Variants in PPP1R1C observed in about 807,000 individuals in gnomAD.
PPP1R1C encodes the protein protein phosphatase 1 regulatory subunit 1C.
PPP1R1C carries 15 observed loss-of-function variants against 17.4 expected under a neutral mutation model. The ratio of observed to expected loss-of-function variants is 0.86; its 90% CI spans 0.58 to 1.33. PPP1R1C has a LOEUF of 1.33. Among genes scored for constraint, PPP1R1C ranks in the 40% most tolerant of loss-of-function variants. The pLI is 0.00. For synonymous variants in PPP1R1C, 35 were observed against 43.1 expected (o/e 0.81, Z 0.73); for missense variants, 143 against 130.0 (o/e 1.10, Z -0.48).
At chr2:182,062,835 AG>A (rs955243278) in intron 3 of PPP1R1C, among the ~76,000 whole-genome samples, 2 of 152,108 alleles carry the variant, frequency 1.3e-5, no homozygotes, top group African/African-American at 4.8e-5. Flanking sequence ...ATCTTCAAAA[AG>A]TATGTTGTAA....
At chr2:181,980,934 T>TG (rs1342556221), upstream of PPP1R1C, among the ~76,000 whole-genome samples, 29 of 150,914 alleles carry the variant, frequency 1.9e-4, no homozygotes, top group African/African-American at 6.6e-4. Flanking sequence ...GAAGTTTTTT[T>TG]TTTTTTTTTT....
At chr2:182,096,061 A>G (rs1688925480) in intron 4 of PPP1R1C, among the ~76,000 whole-genome samples, 2 of 152,284 alleles carry the variant, frequency 1.3e-5, no homozygotes, top group South Asian at 2.1e-4. Context: ...ACAAAAGCAT[A>G]ATACATTTAT....
At position 182,117,692 on chromosome 2, in the gene PPP1R1C, AGTGTGTGT is replaced by A. The variant is rs3063151; in HGVS notation, c.*411_*418del. ...TAAATAGTAAACACATTTAGACATG[AGTGTGTGT>A]GTGTGTGTGTGTGGGTTTAGCTTAA... On this transcript the variant is annotated 3_prime_UTR_variant, in exon 5 of 5. Coordinates refer to ENST00000682840, the MANE Select transcript of PPP1R1C (RefSeq NM_001080545.3). 5.2e-5 allele frequency: 8 copies of A among 153,378 alleles called. No individual in the cohort carries two copies. The highest frequency in any genetic ancestry group is 1.9e-4 in the East Asian group (1 of 5,226). The allele number at this position is 153,378 out of a possible 1,614,324, so 9.5% of individuals were successfully genotyped here.
chr2:182,088,696 G>A (rs919318749), intron 4 of PPP1R1C, among the ~76,000 whole-genome samples: 4 of 152,186 alleles, frequency 2.6e-5, no homozygotes, highest in African/African-American at 9.6e-5. Flanking sequence ...AAGTTGCATC[G>A]GTATTCCAAC....
intron 2 of PPP1R1C, among the ~76,000 whole-genome samples, chr2:182,006,681 G>A (rs1168724243): frequency 2.6e-5 from 4 of 152,204 alleles, no homozygotes; most frequent in Admixed American, 6.5e-5. Context: ...GTGCTGAAAC[G>A]TGTGTGAAGC....
intron 2 of PPP1R1C, among the ~76,000 whole-genome samples, chr2:182,033,670 G>A (rs770977467): frequency 1.5e-4 from 23 of 151,994 alleles, no homozygotes; most frequent in African/African-American, 3.6e-4. Context: ...CAACTTTGCC[G>A]TTACCCTTCT....
At chr2:182,061,032 A>G (rs1260481506) in intron 2 of PPP1R1C, among the ~76,000 whole-genome samples, 1 of 152,072 alleles carries the variant, frequency 6.6e-6, no homozygotes, top group Non-Finnish European at 1.5e-5. Context: ...ACTGAGTGGG[A>G]AAGGAGATTT....
chr2:181,979,710 A>G (rs1430953708), intron 2 of PPP1R1C, among the ~76,000 whole-genome samples: 6 of 152,244 alleles, frequency 3.9e-5, no homozygotes, highest in Admixed American at 2.6e-4. Context: ...AGTGAAGATA[A>G]CTGGGTGTAA....
At chr2:182,046,934 C>T (rs1687364926) in intron 2 of PPP1R1C, among the ~76,000 whole-genome samples, 1 of 152,020 alleles carries the variant, frequency 6.6e-6, no homozygotes, top group African/African-American at 2.4e-5. Context: ...TTTAGTAAGT[C>T]ACTGTCAATG....
intron 5 of PPP1R1C, among the ~76,000 whole-genome samples, chr2:182,126,873 T>A (rs191740080): frequency 6.6e-6 from 1 of 152,170 alleles, no homozygotes. Context: ...GGAGGGAATT[T>A]GTAACTTGGA....
intron 1 of PPP1R1C, among the ~76,000 whole-genome samples, chr2:181,960,992 T>C (rs1684769886): frequency 1.3e-5 from 2 of 152,170 alleles, no homozygotes; most frequent in African/African-American, 4.8e-5. Context: ...ACCAGAAATT[T>C]TGAGTGATTC....
intron 1 of PPP1R1C, among the ~76,000 whole-genome samples, chr2:181,968,553 C>T (rs1464263523): frequency 6.6e-6 from 1 of 152,062 alleles, no homozygotes; most frequent in Non-Finnish European, 1.5e-5. Flanking sequence ...AATGTCTTTT[C>T]CCATCCCTTT....
chr2:181,978,497 A>G (rs1320079755), intron 2 of PPP1R1C, among the ~76,000 whole-genome samples: 1 of 152,210 alleles, frequency 6.6e-6, no homozygotes, highest in Admixed American at 6.5e-5. Flanking sequence ...CGCATGGCTG[A>G]CACCTGGGCA....
At chr2:181,964,417 A>G (rs1040870453) in intron 1 of PPP1R1C, among the ~76,000 whole-genome samples, 10 of 152,218 alleles carry the variant, frequency 6.6e-5, no homozygotes, top group African/African-American at 2.4e-4. Flanking sequence ...GAATAGTGCT[A>G]CAATAAACAT....
At chr2:182,040,249 C>T (rs1020261763) in intron 2 of PPP1R1C, among the ~76,000 whole-genome samples, 12 of 152,156 alleles carry the variant, frequency 7.9e-5, no homozygotes, top group African/African-American at 2.9e-4. Flanking sequence ...TTAAAGGTTG[C>T]ACTAGTTTAC....
chr2:181,958,153 G>A (rs1278917077), intron 1 of PPP1R1C, among the ~76,000 whole-genome samples: 4 of 152,162 alleles, frequency 2.6e-5, no homozygotes, highest in African/African-American at 9.7e-5. Flanking sequence ...CAGCAGGGGG[G>A]CTTAATGGAA....
chr2:182,123,300 C>T (rs1253923747), intron 5 of PPP1R1C, among the ~76,000 whole-genome samples: 1 of 152,116 alleles, frequency 6.6e-6, no homozygotes, highest in African/African-American at 2.4e-5. Flanking sequence ...GTGAATAGTG[C>T]CACAATAAAC....
rs1331130035 is a variant in PPP1R1C at position 181,962,489 on chromosome 2, G to A, written n.111+7855G>A. 6.7e-5 allele frequency: 46 copies of A among 686,154 alleles called. 1 individual carries two copies. Among genetic ancestry groups the A allele is most frequent in the Admixed American group, 6.7e-4 (36 of 53,964 alleles). 42.5% of individuals were successfully genotyped at this position (686,154 alleles called of 1,614,324 possible). Reference sequence around the variant, plus strand: ...AGTGGTGAAGCTCATGCTATCCAGGGAGGAGAGTGAGAGGACAGGACTCAG... The same window carrying A: ...AGTGGTGAAGCTCATGCTATCCAGGAAGGAGAGTGAGAGGACAGGACTCAG... On this transcript the variant is annotated intron_variant and non_coding_transcript_variant, in intron 1 of 5. Transcript: ENST00000464264. This position sits in a 1 kb window ranked among gnomAD's most constrained non-coding sequence, Gnocchi z 6.0.
chr2:182,017,772 T>G (rs1686302633), intron 2 of PPP1R1C, among the ~76,000 whole-genome samples: 1 of 152,116 alleles, frequency 6.6e-6, no homozygotes, highest in African/African-American at 2.4e-5. Context: ...TAATAGGAGT[T>G]TACTGCAGAA....
Sources: gnomAD v4.1 joint callset for allele counts (sites outside exome capture counted in the v4.1 genomes callset) on GRCh38, gnomAD v4.1.1 for gene constraint, Gnocchi (gnomAD v3.1) non-coding constraint, MANE v1.5 for transcripts, NCBI Gene and HGNC (gene_info 2026-07-23, HGNC 2026-07-21) for gene names.